Variants in CD40LG observed in about 807,000 individuals in gnomAD.
CD40LG encodes CD40 ligand.
Under a neutral mutation model 17.2 loss-of-function variants are expected in CD40LG, and 1 was observed. The ratio of observed to expected loss-of-function variants is 0.06; its 90% confidence interval spans 0.02 to 0.28. The LOEUF (loss-of-function observed/expected upper bound fraction) is 0.28. CD40LG is among the 10% of genes least tolerant of loss of function. The pLI, the probability that CD40LG is intolerant of heterozygous loss-of-function variation, is 1.00. For synonymous variants in CD40LG, 66 were observed against 74.4 expected, an observed-to-expected ratio of 0.89 and a Z score of 0.58; for missense variants, 133 against 193.2, an observed-to-expected ratio of 0.69 and a Z score of 1.85.
intron 3 of CD40LG, among the ~76,000 whole-genome samples, chrX:136,655,334 A>G (rs1176159554): frequency 9.0e-6 from 1 of 111,200 alleles, no homozygotes; most frequent in Non-Finnish European, 1.9e-5. Flanking sequence ...TTCTTCTGCC[A>G]CTCACCTCCT....
chrX:136,650,024 T>C (rs1306447826), intron 1 of CD40LG, among the ~76,000 whole-genome samples: 3 of 112,729 alleles, frequency 2.7e-5, no homozygotes, highest in Admixed American at 9.4e-5. Context: ...GAACATTTAG[T>C]AGAATAGCTC....
rs776610381 is a variant in CD40LG, at chrX:136,648,415, C to T, written c.156+11C>T. 1 of 1,202,588 alleles carries T rather than the reference C, an allele frequency of 8.3e-7. No homozygotes were observed. Among genetic ancestry groups the T allele is most frequent in the Non-Finnish European group, 1.1e-6 (1 of 888,394 alleles). ...AGAAGGTTGGACAAGGTAAGATGAA[C>T]CACAAGCCTTTATTAACTAAATTTG... On this transcript the variant is annotated intron_variant, in intron 1 of 4. Coordinates refer to ENST00000370629, the MANE Select transcript of CD40LG (RefSeq NM_000074.3).
intron 4 of CD40LG, among the ~76,000 whole-genome samples, chrX:136,657,512 C>A (rs1168596108): frequency 8.1e-5 from 9 of 111,558 alleles, no homozygotes; most frequent in Non-Finnish European, 1.5e-4. Context: ...GTGATGCTGT[C>A]GAGTGCTGTA....
In CD40LG at chrX:136,654,359, G is replaced by T; in HGVS notation, c.289-14G>T. ...CCCTGTCAAAATGACCTCTTGCAAT[G>T]CTTCTTATTTTAGGATATAATGTTA... On this transcript the variant is annotated splice_polypyrimidine_tract_variant and intron_variant, in intron 2 of 4. Coordinates refer to ENST00000370629, the MANE Select transcript of CD40LG (RefSeq NM_000074.3). The T allele has an allele frequency of 1.7e-6, 2 of 1,171,252 alleles. No individual in the cohort carries two copies. The highest frequency in any genetic ancestry group is 2.3e-6 in the Non-Finnish European group (2 of 858,636).
rs751370607 is a variant in CD40LG at position 136,648,218 on chromosome X, C to A, written c.-31C>A. On this transcript the variant is annotated 5_prime_UTR_variant, in exon 1 of 5. Transcript: ENST00000370629. ...CATGCTGCCTCTGCCACCTTCTCTG[C>A]CAGAAGATACCATTTCAACTTTAAC... is the stretch of plus-strand genomic sequence containing the variant. The A allele has an allele frequency of 1.7e-6, 2 of 1,159,341 alleles. No homozygotes were observed. Among genetic ancestry groups the A allele is most frequent in the Non-Finnish European group, 1.2e-6 (1 of 848,353 alleles).
chrX:136,652,205 T>C (rs1170832586), intron 2 of CD40LG, among the ~76,000 whole-genome samples: 1 of 110,660 alleles, frequency 9.0e-6, no homozygotes, highest in African/African-American at 3.3e-5. Flanking sequence ...TGTGGAACCC[T>C]AGTCAACACC....
intron 2 of CD40LG, 53 bp from the exon 3 acceptor site, chrX:136,654,319 AC>A (rs2076112894): frequency 1.2e-6 from 1 of 866,334 alleles, no homozygotes; most frequent in African/African-American, 2.0e-5. Flanking sequence ...TAATTTTAAA[AC>A]CCCACAGCAG....
At chrX:136,653,819 T>G (rs946902491) in intron 2 of CD40LG, among the ~76,000 whole-genome samples, 5 of 112,349 alleles carry the variant, frequency 4.5e-5, no homozygotes, top group African/African-American at 1.6e-4. Flanking sequence ...AGTGCAACTA[T>G]CAATAAGAGA....
At chrX:136,653,437 T>C (rs1569376753) in intron 2 of CD40LG, among the ~76,000 whole-genome samples, 1 of 112,720 alleles carries the variant, frequency 8.9e-6, no homozygotes, top group African/African-American at 3.2e-5. Flanking sequence ...TATCATAAGA[T>C]GTGAAAATAC....
intron 2 of CD40LG, among the ~76,000 whole-genome samples, chrX:136,651,593 CAA>C (rs2076103924): frequency 9.0e-6 from 1 of 111,724 alleles, no homozygotes; most frequent in African/African-American, 3.3e-5. Flanking sequence ...CCTTTCTTTG[CAA>C]GACTGGCCAG....
intron 1 of CD40LG, among the ~76,000 whole-genome samples, chrX:136,648,705 TTAAG>T (rs1347811104): frequency 3.6e-5 from 4 of 111,890 alleles, no homozygotes; most frequent in African/African-American, 1.3e-4. Context: ...ATTTCATAGA[TTAAG>T]TGAGTTTAGC....
Position 136,659,348 on chromosome X carries a change from A to G in CD40LG, c.719A>G (p.Asn240Ser). Residue 240 changes from asparagine to serine, a missense_variant, in exon 5 of 5, where the codon AAT becomes AGT. Transcript: ENST00000370629. ...CAACCAGGTGCTTCGGTGTTTGTCA[A>G]TGTGACTGATCCAAGCCAAGTGAGC... ...ELQPGASVFV[N>S]VTDPSQVSHG... 4.1e-6 allele frequency: 5 copies of G among 1,211,160 alleles called. No individual in the cohort carries two copies. The highest frequency in any genetic ancestry group is 4.5e-6 in the Non-Finnish European group (4 of 894,936).
Position 136,659,574 on chromosome X carries a change from A to G in CD40LG, c.*159A>G, listed in dbSNP as rs1365527008. 8.9e-6 allele frequency: 5 copies of G among 561,246 alleles called. No individual in the cohort carries two copies. The Admixed American group carries it at 1.8e-4, about 20-fold the overall frequency. 46.3% of individuals were successfully genotyped at this position (561,246 alleles called of 1,213,427 possible). A position where few individuals can be genotyped will look rare whatever the true frequency, so the allele number is the denominator to read the frequency against. Reference sequence around the variant, plus strand: ...ACACTCCAAGGCATGTAGAACTGTAATAAGTGAATTACAGGTCACATGAAA... The same window carrying G: ...ACACTCCAAGGCATGTAGAACTGTAGTAAGTGAATTACAGGTCACATGAAA... On this transcript the variant is annotated 3_prime_UTR_variant, in exon 5 of 5. Coordinates refer to ENST00000370629, the MANE Select transcript of CD40LG (RefSeq NM_000074.3).
In CD40LG at chrX:136,650,366, A is replaced by T; in HGVS notation, c.257A>T (p.Glu86Val). Residue 86 changes from glutamate (E) to valine (V), a missense_variant, in exon 2 of 5, where the codon GAG (glutamate) becomes GTG (valine). Glu to Val is a moderately radical substitution (Grantham distance 121). Transcript: ENST00000370629. ...ERSLSLLNCE[E>V]IKSQFEGFVK... ...TCCTTATCCTTACTGAACTGTGAGG[A>T]GATTAAAAGCCAGTTTGAAGGCTTT... The T allele has an allele frequency of 1.7e-6, 2 of 1,207,281 alleles. No homozygotes were observed. Among genetic ancestry groups the T allele is most frequent in the Non-Finnish European group, 2.2e-6 (2 of 891,563 alleles).
intron 3 of CD40LG, among the ~76,000 whole-genome samples, chrX:136,655,908 G>C (rs1365764314): frequency 8.9e-6 from 1 of 112,225 alleles, no homozygotes; most frequent in African/African-American, 3.2e-5. Context: ...TCTCATTAGG[G>C]AGCAGGGCTT....
In CD40LG at chrX:136,659,920, A is replaced by ACCCCCCCCCCCC. The variant is rs57066772; in HGVS notation, c.*510_*521dup. On this transcript the variant is annotated 3_prime_UTR_variant, in exon 5 of 5. Transcript: ENST00000370629. ...ACGTCTAACACAGTGGAGAACCGAA[A>ACCCCCCCCCCCC]CCCCCCCCCCCCCCCCGCCACCCTC... The ACCCCCCCCCCCC allele has an allele frequency of 7.0e-4, 13 of 18,651 alleles. No homozygotes were observed. Among genetic ancestry groups the ACCCCCCCCCCCC allele is most frequent in the Admixed American group, 3.1e-3 (3 of 960 alleles). 1.5% of individuals were successfully genotyped at this position (18,651 alleles called of 1,213,427 possible). A position where few individuals can be genotyped will look rare whatever the true frequency, so the allele number is the denominator to read the frequency against.
intron 2 of CD40LG, among the ~76,000 whole-genome samples, 198 bp downstream of exon 2, chrX:136,650,595 A>T: frequency 9.2e-6 from 1 of 108,521 alleles, no homozygotes; most frequent in Non-Finnish European, 1.9e-5. Flanking sequence ...ACACAAAGAC[A>T]CTCTCTGGGG....
Position 136,648,245 on chromosome X carries a change from C to A in CD40LG, c.-4C>A. ...AGAAGATACCATTTCAACTTTAACA[C>A]AGCATGATCGAAACATACAACCAAA... On this transcript the variant is annotated 5_prime_UTR_variant, in exon 1 of 5. Transcript: ENST00000370629. 1.7e-6 allele frequency: 2 copies of A among 1,198,799 alleles called. No individual in the cohort carries two copies.
In CD40LG at chrX:136,656,441, G is replaced by C. The variant is rs369408390; in HGVS notation, c.409+23G>C. 3.4e-6 allele frequency: 4 copies of C among 1,164,901 alleles called. No homozygotes were observed. In the East Asian group the frequency reaches 1.2e-4, roughly 35 times the overall value. ...CTGGTAAGTCACACAGCATCTGAGCGGTAGCCACCCAAGGGGAAAGGCTGG... is the reference window on the plus strand; with the variant it reads ...CTGGTAAGTCACACAGCATCTGAGCCGTAGCCACCCAAGGGGAAAGGCTGG... On this transcript the variant is annotated intron_variant, in intron 4 of 4. Transcript: ENST00000370629.
Sources: allele counts gnomAD v4.1 joint callset (sites outside exome capture counted in the v4.1 genomes callset), GRCh38; gene constraint gnomAD v4.1.1; transcripts MANE v1.5; gene names NCBI Gene and HGNC (gene_info 2026-07-23, HGNC 2026-07-21).